The following BBS9 variants were observed in gnomAD, a reference collection of about 807,000 sequenced individuals.
BBS9 encodes the protein protein PTHB1.
In BBS9, 89 loss-of-function variants were observed where a neutral mutation model predicts 117.7. The observed-to-expected ratio is 0.76, with a 90% CI of 0.64 to 0.90. The LOEUF (loss-of-function observed/expected upper bound fraction) is 0.90. BBS9 is among the 40% of genes least tolerant of loss of function. The pLI is 0.00. For synonymous variants in BBS9, 379 were observed against 370.9 expected, an observed-to-expected ratio of 1.02 and a Z score of -0.25; for missense variants, 982 against 1,042.2, an observed-to-expected ratio of 0.94 and a Z score of 0.80.
At chr7:33,416,567 T>G (rs890178993) in intron 19 of BBS9, among the ~76,000 whole-genome samples, 1 of 152,092 alleles carries the variant, frequency 6.6e-6, no homozygotes, top group Non-Finnish European at 1.5e-5. Context: ...TATTCATTCA[T>G]TTATGCAACA....
chr7:33,434,664 G>GT (rs1835038278), intron 19 of BBS9, among the ~76,000 whole-genome samples: 1 of 152,068 alleles, frequency 6.6e-6, no homozygotes, highest in African/African-American at 2.4e-5. Context: ...TTTCACCTGT[G>GT]TTTTTAGCCA....
intron 21 of BBS9, among the ~76,000 whole-genome samples, chr7:33,536,923 A>G (rs1851537473): frequency 6.6e-6 from 1 of 151,772 alleles, no homozygotes; most frequent in Non-Finnish European, 1.5e-5. Flanking sequence ...CAAGCCTGTA[A>G]TTGTGCAGTT....
intron 9 of BBS9, among the ~76,000 whole-genome samples, chr7:33,280,078 A>G (rs970847697): frequency 7.2e-5 from 11 of 152,210 alleles, no homozygotes; most frequent in Non-Finnish European, 1.6e-4. Context: ...TAGTACTTCA[A>G]TGTTTTTCTT....
At chr7:33,423,514 C>A (rs1274207618) in intron 19 of BBS9, among the ~76,000 whole-genome samples, 1 of 151,098 alleles carries the variant, frequency 6.6e-6, no homozygotes, top group African/African-American at 2.4e-5. Flanking sequence ...ATTAAGAGGG[C>A]CTTTCATATG....
At position 33,492,811 on chromosome 7, in the gene BBS9, AGTGTGTGTGTGTGTGTGT is replaced by A. The variant is rs57870306; in HGVS notation, c.2116-12625_2116-12608del. 1.3e-4 allele frequency among the ~76,000 whole-genome samples: 17 copies of A among 131,602 alleles called. 1 individual carries two copies. The highest frequency in any genetic ancestry group is 8.6e-4 in the East Asian group (4 of 4,678). The allele number at this position is 131,602 out of a possible 152,430, so 86.3% of individuals were successfully genotyped here. On this transcript the variant is annotated intron_variant, in intron 19 of 22. Transcript: ENST00000242067. ...GCACTTATCATCTAGTATAGGAGTG[AGTGTGTGTGTGTGTGTGT>A]GTGTGTGTGTGTGTGTGTGTGTGTG...
intron 22 of BBS9, 33 bp downstream of exon 22, chr7:33,605,008 T>A (rs757914261): frequency 6.4e-7 from 1 of 1,553,570 alleles, no homozygotes; most frequent in East Asian, 2.2e-5. Flanking sequence ...CAAGCGTTAG[T>A]TAAGTCAGAA....
At chr7:33,593,875 G>T (rs1396504818) in intron 21 of BBS9, among the ~76,000 whole-genome samples, 1 of 152,098 alleles carries the variant, frequency 6.6e-6, no homozygotes, top group African/African-American at 2.4e-5. Flanking sequence ...TTTGTAAATA[G>T]AACTCTTTTT....
chr7:33,538,861 G>T (rs1406209452), intron 21 of BBS9, among the ~76,000 whole-genome samples: 1 of 151,436 alleles, frequency 6.6e-6, no homozygotes, highest in African/African-American at 2.4e-5. Flanking sequence ...TCCATAGCTA[G>T]GTTGGCCAGT....
At chr7:33,371,181 T>A (rs1822796490) in intron 17 of BBS9, among the ~76,000 whole-genome samples, 1 of 152,166 alleles carries the variant, frequency 6.6e-6, no homozygotes, top group Non-Finnish European at 1.5e-5. Context: ...AAAAGACAGT[T>A]CCTTTAATAA....
intron 5 of BBS9, among the ~76,000 whole-genome samples, chr7:33,193,732 C>A (rs184022570): frequency 6.6e-6 from 1 of 152,046 alleles, no homozygotes; most frequent in Admixed American, 6.6e-5. Context: ...TGGCTTCAAC[C>A]CTCTCTTTTG....
intron 5 of BBS9, chr7:33,242,875 C>G (rs1257522145): frequency 7.8e-6 from 4 of 510,334 alleles, no homozygotes; most frequent in Admixed American, 2.0e-5. Flanking sequence ...GCATAACATT[C>G]AGTTGGAGAA....
intron 21 of BBS9, among the ~76,000 whole-genome samples, chr7:33,627,087 TAGG>T (rs943459085): frequency 1.3e-5 from 2 of 152,164 alleles, no homozygotes; most frequent in African/African-American, 4.8e-5. Flanking sequence ...CCCGGAGGGT[TAGG>T]AGGGAAGAAT....
intron 4 of BBS9, among the ~76,000 whole-genome samples, chr7:33,160,805 T>C (rs1468891788): frequency 6.6e-6 from 1 of 152,132 alleles, no homozygotes; most frequent in Admixed American, 6.6e-5. Flanking sequence ...TCAATCTTTG[T>C]GTTCTAGATT....
At chr7:33,181,271 G>T (rs1005880504) in intron 5 of BBS9, among the ~76,000 whole-genome samples, 3 of 152,154 alleles carry the variant, frequency 2.0e-5, no homozygotes, top group Non-Finnish European at 2.9e-5. Context: ...CTTCTAATAT[G>T]AGAAATTGAA....
intron 21 of BBS9, among the ~76,000 whole-genome samples, chr7:33,561,843 AT>A (rs1334771472): frequency 6.6e-6 from 1 of 152,208 alleles, no homozygotes; most frequent in Non-Finnish European, 1.5e-5. Flanking sequence ...AAGAACAGTG[AT>A]TTGAATTTGT....
chr7:33,388,079 T>G lies in BBS9; in HGVS notation c.2050T>G (p.Phe684Val). The G allele has an allele frequency of 6.2e-7, 1 of 1,614,152 alleles. No homozygotes were observed. Among genetic ancestry groups the G allele is most frequent in the Non-Finnish European group, 8.5e-7 (1 of 1,180,020 alleles). The change falls in exon 19 of 23, where the codon TTC becomes GTC. Residue 684 changes from phenylalanine to valine, a missense_variant. Transcript: ENST00000242067. ...CATTCAACGCCGGCTACTAGCAAGA[T>G]TCAAAGATAAAACTCCTGCCCCTCT... is the stretch of plus-strand genomic sequence containing the variant. Reference protein sequence around the residue: ...RAIQRRLLARFKDKTPAPLQH... With the variant: ...RAIQRRLLARVKDKTPAPLQH...
chr7:33,312,005 C>T (rs1809359525), intron 9 of BBS9, among the ~76,000 whole-genome samples: 1 of 152,142 alleles, frequency 6.6e-6, no homozygotes, highest in Non-Finnish European at 1.5e-5. Flanking sequence ...GAAACATTTG[C>T]ATTTTGTAAT....
chr7:33,515,077 C>T (rs1252704591), intron 20 of BBS9, among the ~76,000 whole-genome samples: 1 of 152,100 alleles, frequency 6.6e-6, no homozygotes, highest in Non-Finnish European at 1.5e-5. Flanking sequence ...GACAACAATG[C>T]CATCTACTCT....
chr7:33,590,468 T>G (rs1240828719), intron 21 of BBS9, among the ~76,000 whole-genome samples: 4 of 147,044 alleles, frequency 2.7e-5, no homozygotes, highest in Non-Finnish European at 6.0e-5. Flanking sequence ...TGTTTTTTTT[T>G]TTTTTTTTTA....
Sources: allele counts gnomAD v4.1 joint callset (sites outside exome capture counted in the v4.1 genomes callset), GRCh38; gene constraint gnomAD v4.1.1; transcripts MANE v1.5; gene names NCBI Gene and HGNC (gene_info 2026-07-23, HGNC 2026-07-21).